ICA1: variants seen among roughly 807,000 people sequenced by gnomAD.
ICA1 encodes 69 kDa islet cell autoantigen.
In ICA1, 40 loss-of-function variants were observed where a neutral mutation model predicts 71.0. The observed-to-expected ratio is 0.56, with a 90% confidence interval of 0.44 to 0.73. The LOEUF is 0.73. ICA1 is among the 30% of genes least tolerant of loss of function. The pLI is 0.00. For missense variants in ICA1, 578 were observed against 576.5 expected (o/e 1.00, Z -0.03); for synonymous variants, 207 against 209.5 (o/e 0.99, Z 0.10).
intron 8 of ICA1, among the ~76,000 whole-genome samples, chr7:8,148,382 G>A (rs1358328187): frequency 6.6e-6 from 1 of 151,408 alleles, no homozygotes; most frequent in Non-Finnish European, 1.5e-5. Flanking sequence ...ACCAAGAATT[G>A]GGTAAAGAAT....
chr7:8,149,079 A>G (rs756127587), intron 8 of ICA1, among the ~76,000 whole-genome samples: 2 of 152,194 alleles, frequency 1.3e-5, no homozygotes, highest in Non-Finnish European at 2.9e-5. Flanking sequence ...TTTCTGTGTG[A>G]CAGGAACACC....
At chr7:8,231,694 C>A (rs1250105401) in intron 3 of ICA1, among the ~76,000 whole-genome samples, 1 of 152,184 alleles carries the variant, frequency 6.6e-6, no homozygotes, top group East Asian at 1.9e-4. Flanking sequence ...TCTCACGGGG[C>A]AGCCTTAACA....
At chr7:8,174,886 T>C (rs1584908008) in intron 6 of ICA1, among the ~76,000 whole-genome samples, 1 of 151,806 alleles carries the variant, frequency 6.6e-6, no homozygotes, top group East Asian at 1.9e-4. Context: ...GAATTACACC[T>C]GAATAGTAGG....
chr7:8,209,735 G>A (rs943518717), intron 6 of ICA1, among the ~76,000 whole-genome samples: 10 of 44,624 alleles, frequency 2.2e-4, no homozygotes, highest in South Asian at 1.2e-3. Context: ...TTGGGAAGTC[G>A]GCAAAGGCTC....
At chr7:8,193,326 T>C (rs966290288) in intron 6 of ICA1, among the ~76,000 whole-genome samples, 1 of 152,216 alleles carries the variant, frequency 6.6e-6, no homozygotes, top group African/African-American at 2.4e-5. Context: ...TATCTCCAAT[T>C]TGAATCCAAT....
At chr7:8,205,929 A>T (rs1328601243) in intron 6 of ICA1, among the ~76,000 whole-genome samples, 2 of 152,148 alleles carry the variant, frequency 1.3e-5, no homozygotes, top group East Asian at 3.9e-4. Context: ...CTGCAATCCA[A>T]CTCGAAGGCC....
chr7:8,194,749 T>C (rs1201741354), intron 6 of ICA1, among the ~76,000 whole-genome samples: 2 of 152,208 alleles, frequency 1.3e-5, no homozygotes, highest in African/African-American at 4.8e-5. Flanking sequence ...ATTGGGCTAT[T>C]GTCGTCACTT....
At position 8,221,393 on chromosome 7, in the gene ICA1, A is replaced by T. The variant is rs374255191; in HGVS notation, c.262T>A (p.Ser88Thr). The change falls in exon 5 of 14, where the codon TCT (serine) becomes ACT (threonine). Residue 88 changes from serine to threonine, a missense_variant. Physicochemically the swap from Ser to Thr is moderately conservative, Grantham distance 58. Coordinates refer to ENST00000402384, the MANE Select transcript of ICA1 (RefSeq NM_001136020.3). ...TTTCCCAGTTCGTTTTCTTCTTGAG[A>T]CAAGACTGATGAAGAAAAGACCAAA... ...VLYQKRICFL[S>T]QEENELGKFL... is the part of the protein sequence containing the mutation. 6.2e-7 allele frequency: 1 copy of T among 1,613,234 alleles called. No individual in the cohort carries two copies. Among genetic ancestry groups the T allele is most frequent in the African/African-American group, 1.3e-5 (1 of 74,878 alleles).
intron 1 of ICA1, among the ~76,000 whole-genome samples, chr7:8,240,197 G>A (rs1803294136): frequency 9.6e-6 from 1 of 104,086 alleles, no homozygotes; most frequent in Admixed American, 9.2e-5. Context: ...GCTTCCAGAG[G>A]AAGGATCAGG....
At chr7:8,119,259 G>C (rs548029551) in intron 13 of ICA1, among the ~76,000 whole-genome samples, 3 of 152,200 alleles carry the variant, frequency 2.0e-5, no homozygotes, top group Admixed American at 1.3e-4. Context: ...GTAAAGCCAG[G>C]TGAGGAGTAG....
At chr7:8,195,507 A>C (rs1204163309) in intron 6 of ICA1, among the ~76,000 whole-genome samples, 1 of 152,110 alleles carries the variant, frequency 6.6e-6, no homozygotes, top group Non-Finnish European at 1.5e-5. Context: ...ATACCACTGC[A>C]TTCCAGTCTG....
chr7:8,246,754 T>C (rs1237109900), intron 1 of ICA1, among the ~76,000 whole-genome samples: 1 of 152,230 alleles, frequency 6.6e-6, no homozygotes, highest in Non-Finnish European at 1.5e-5. Flanking sequence ...TCATTTTTCC[T>C]TTTATTTTTT....
At chr7:8,165,655 G>C (rs1158827798) in intron 6 of ICA1, among the ~76,000 whole-genome samples, 1 of 151,654 alleles carries the variant, frequency 6.6e-6, no homozygotes, top group Non-Finnish European at 1.5e-5. Flanking sequence ...TTCTTGATCT[G>C]ATAAACAACT....
At chr7:8,178,122 C>G (rs181317706) in intron 6 of ICA1, among the ~76,000 whole-genome samples, 4 of 152,320 alleles carry the variant, frequency 2.6e-5, no homozygotes, top group South Asian at 2.1e-4. Context: ...GCAGTTTCAT[C>G]TTTGTAAGTT....
chr7:8,260,455 G>A (rs2128566912), intron 1 of ICA1, among the ~76,000 whole-genome samples: 1 of 152,280 alleles, frequency 6.6e-6, no homozygotes, highest in South Asian at 2.1e-4. Context: ...TGATCCACGG[G>A]TGGAGGATAC....
intron 12 of ICA1, among the ~76,000 whole-genome samples, chr7:8,131,064 C>A (rs1053187410): frequency 6.6e-6 from 1 of 152,182 alleles, no homozygotes; most frequent in Non-Finnish European, 1.5e-5. Context: ...TGGACACATG[C>A]CGGACACCTC....
At chr7:8,235,875 C>T (rs1801692338) in intron 2 of ICA1, 35 bp downstream of exon 2, 1 of 1,605,074 alleles carries the variant, frequency 6.2e-7, no homozygotes, top group African/African-American at 1.3e-5. Context: ...ATGCTTTCTA[C>T]TTTCCCAATT....
intron 12 of ICA1, among the ~76,000 whole-genome samples, chr7:8,131,674 C>A (rs898997508): frequency 2.0e-5 from 3 of 152,210 alleles, no homozygotes; most frequent in African/African-American, 7.2e-5. Context: ...AATTAAGATG[C>A]TTAAAATTAT....
rs141477014 is a variant in ICA1 at position 8,182,881 on chromosome 7, A to G, written c.580-24229T>C. ...TAAATGAGAATCTCCACATGGGGAG[A>G]TTATATCCTTGGATGATATATCCCT... is the stretch of plus-strand genomic sequence containing the variant. On this transcript the variant is annotated intron_variant, in intron 6 of 13. Coordinates refer to ENST00000402384, the MANE Select transcript of ICA1 (RefSeq NM_001136020.3). 7.3e-3 allele frequency among the ~76,000 whole-genome samples: 1,107 copies of G among 152,322 alleles called. 13 individuals are homozygous for G. The highest frequency in any genetic ancestry group is 0.025 in the African/African-American group (1,054 of 41,574).
Sources: allele counts gnomAD v4.1 joint callset (sites outside exome capture counted in the v4.1 genomes callset), GRCh38; gene constraint gnomAD v4.1.1; transcripts MANE v1.5; gene names NCBI Gene and HGNC (gene_info 2026-07-23, HGNC 2026-07-21).